SLC35F4: variants seen among roughly 807,000 people sequenced by gnomAD.
The protein encoded by SLC35F4 is solute carrier family 35 member F4, also known as chromosome 14 open reading frame 36.
Under a neutral mutation model 44.2 loss-of-function variants are expected in SLC35F4, and 24 were observed. The observed-to-expected ratio is 0.54, with a 90% CI of 0.39 to 0.76. The LOEUF is 0.76. Among genes scored for constraint, SLC35F4 ranks in the 30% least tolerant of loss-of-function variants. SLC35F4 has a pLI of 0.00. For missense variants in SLC35F4, 562 were observed against 586.1 expected, an observed-to-expected ratio of 0.96 and a Z score of 0.42; for synonymous variants, 238 against 223.6, an observed-to-expected ratio of 1.06 and a Z score of -0.57.
intron 1 of SLC35F4, among the ~76,000 whole-genome samples, chr14:57,775,318 T>A (rs190380298): frequency 5.3e-5 from 8 of 152,352 alleles, no homozygotes; most frequent in Non-Finnish European, 8.8e-5. Flanking sequence ...CTGCTGCCAC[T>A]GCTGCTGGCA....
At chr14:57,786,075 G>A (rs1306697150) in intron 1 of SLC35F4, among the ~76,000 whole-genome samples, 1 of 152,136 alleles carries the variant, frequency 6.6e-6, no homozygotes, top group Non-Finnish European at 1.5e-5. Flanking sequence ...GCTGTTGGGG[G>A]TAGGGCACAG....
At chr14:57,596,293 A>G (rs903140734) in intron 1 of SLC35F4, 5 of 168,828 alleles carry the variant, frequency 3.0e-5, no homozygotes, top group Admixed American at 1.2e-4. Context: ...AATTAATGCT[A>G]TGTTACTATT....
intron 1 of SLC35F4, among the ~76,000 whole-genome samples, chr14:57,789,638 T>A (rs1283768955): frequency 6.6e-6 from 1 of 152,228 alleles, no homozygotes. Context: ...CCTCCCTAAC[T>A]CATTTTATGA....
intron 1 of SLC35F4, among the ~76,000 whole-genome samples, chr14:57,853,390 C>G (rs968488754): frequency 6.6e-6 from 1 of 152,212 alleles, no homozygotes; most frequent in South Asian, 2.1e-4. Flanking sequence ...GTTCTGTGAA[C>G]CAAATAGCTA....
intron 1 of SLC35F4, among the ~76,000 whole-genome samples, chr14:57,766,629 A>G (rs1194436801): frequency 6.6e-6 from 1 of 152,202 alleles, no homozygotes; most frequent in African/African-American, 2.4e-5. Flanking sequence ...CTTGAGCACT[A>G]TACATTGGGT....
intron 1 of SLC35F4, among the ~76,000 whole-genome samples, chr14:57,613,657 A>T (rs546959197): frequency 6.6e-6 from 1 of 152,362 alleles, no homozygotes; most frequent in South Asian, 2.1e-4. Flanking sequence ...ATAGCTTCCA[A>T]AGACTTTTGA....
At chr14:57,744,388 C>T (rs1439976015) in intron 1 of SLC35F4, among the ~76,000 whole-genome samples, 1 of 152,116 alleles carries the variant, frequency 6.6e-6, no homozygotes, top group Non-Finnish European at 1.5e-5. Context: ...TCTCAGGATA[C>T]AAAATCAATG....
intron 1 of SLC35F4, among the ~76,000 whole-genome samples, chr14:57,800,418 C>CA (rs1349296787): frequency 6.6e-6 from 1 of 152,106 alleles, no homozygotes; most frequent in Non-Finnish European, 1.5e-5. Context: ...AGAATCAATG[C>CA]AAAAAATGCT....
chr14:57,947,708 C>G (rs1165463491), intron 1 of SLC35F4, among the ~76,000 whole-genome samples: 1 of 152,130 alleles, frequency 6.6e-6, no homozygotes, highest in Non-Finnish European at 1.5e-5. Flanking sequence ...CCATCTACAC[C>G]AATTTTGCTG....
chr14:57,687,072 T>C (rs1594796013), intron 1 of SLC35F4, among the ~76,000 whole-genome samples: 1 of 152,050 alleles, frequency 6.6e-6, no homozygotes, highest in African/African-American at 2.4e-5. Context: ...AGTGAGAAGG[T>C]TGCCATCTAC....
chr14:57,899,808 A>C (rs1451550358), intron 1 of SLC35F4, among the ~76,000 whole-genome samples: 1 of 152,134 alleles, frequency 6.6e-6, no homozygotes, highest in East Asian at 1.9e-4. Context: ...CTCTGACTTC[A>C]AGAATGAAGC....
At chr14:57,839,947 C>T (rs1737388811) in intron 1 of SLC35F4, among the ~76,000 whole-genome samples, 1 of 152,152 alleles carries the variant, frequency 6.6e-6, no homozygotes, top group Admixed American at 6.5e-5. Context: ...CTAAACAAAA[C>T]ATGCACACTT....
At chr14:57,784,827 C>T (rs1052816234) in intron 1 of SLC35F4, among the ~76,000 whole-genome samples, 4 of 152,156 alleles carry the variant, frequency 2.6e-5, no homozygotes, top group African/African-American at 9.7e-5. Flanking sequence ...CAATACCAAC[C>T]CCTCCTTGTC....
intron 1 of SLC35F4, among the ~76,000 whole-genome samples, chr14:57,875,602 A>G (rs927778972): frequency 6.6e-6 from 1 of 152,220 alleles, no homozygotes; most frequent in Admixed American, 6.5e-5. Context: ...AGATTGGGAT[A>G]ACTGGGCCAC....
chr14:57,608,555 C>A (rs2071298349), intron 1 of SLC35F4, among the ~76,000 whole-genome samples: 1 of 152,102 alleles, frequency 6.6e-6, no homozygotes, highest in Admixed American at 6.6e-5. Flanking sequence ...ATACCTTGAC[C>A]TTGGACTTCC....
At chr14:57,778,169 CAT>C (rs999219444) in intron 1 of SLC35F4, among the ~76,000 whole-genome samples, 2 of 152,148 alleles carry the variant, frequency 1.3e-5, no homozygotes, top group African/African-American at 4.8e-5. Flanking sequence ...TGCTGTCATC[CAT>C]GTAACATGAC....
chr14:57,824,813 T>C (rs73291424), intron 1 of SLC35F4, among the ~76,000 whole-genome samples: 22,724 of 152,016 alleles, frequency 0.15, 2,111 homozygotes, highest in African/African-American at 0.26. Context: ...GTGTAGATTA[T>C]TCAGGGCCTT....
At chr14:57,617,693 G>A (rs1040530408) in intron 1 of SLC35F4, among the ~76,000 whole-genome samples, 1 of 152,140 alleles carries the variant, frequency 6.6e-6, no homozygotes, top group Non-Finnish European at 1.5e-5. Flanking sequence ...GTGCTAGGAG[G>A]GGTAGAGTGG....
chr14:57,638,815 C>G (rs930074684), intron 1 of SLC35F4, among the ~76,000 whole-genome samples: 2 of 152,030 alleles, frequency 1.3e-5, no homozygotes, highest in Admixed American at 1.3e-4. Flanking sequence ...AACCACCTCT[C>G]TTCCACTCTA....
Sources: allele counts gnomAD v4.1 joint callset (sites outside exome capture counted in the v4.1 genomes callset), GRCh38; gene constraint gnomAD v4.1.1; transcripts MANE v1.5; gene names NCBI Gene and HGNC (gene_info 2026-07-23, HGNC 2026-07-21).